The following MAF variants were observed in gnomAD, a reference collection of about 807,000 sequenced individuals.
MAF encodes the protein transcription factor Maf.
A neutral mutation model predicts 22.0 loss-of-function variants in MAF; 10 were observed. The observed-to-expected ratio is 0.45, with a 90% CI of 0.28 to 0.77. The LOEUF (loss-of-function observed/expected upper bound fraction) is 0.77. MAF is among the 30% of genes least tolerant of loss of function. MAF has a pLI of 0.12. For synonymous variants in MAF, 337 were observed against 255.8 expected (o/e 1.32, Z -3.03); for missense variants, 544 against 548.4 (o/e 0.99, Z 0.08).
At chr16:79,412,176 G>T in the MAF span, among the ~76,000 whole-genome samples, 5 of 152,188 alleles carry the variant, frequency 3.3e-5, no homozygotes, top group African/African-American at 1.2e-4. Flanking sequence ...AATAAAACAT[G>T]CAAGTACAAT....
At chr16:79,250,071 G>C in the MAF span, among the ~76,000 whole-genome samples, 5 of 152,196 alleles carry the variant, frequency 3.3e-5, no homozygotes, top group African/African-American at 1.2e-4. Context: ...AATCTGAGTT[G>C]AATTATGACT....
chr16:79,381,823 C>T, the MAF span, among the ~76,000 whole-genome samples: 294 of 152,274 alleles, frequency 1.9e-3, no homozygotes, highest in Non-Finnish European at 3.4e-3. Flanking sequence ...GCTTGTTACT[C>T]CACAGAGTGG....
chr16:79,537,320 C>A, the MAF span, among the ~76,000 whole-genome samples: 486 of 152,306 alleles, frequency 3.2e-3, 1 homozygote, highest in Non-Finnish European at 5.2e-3. Context: ...GCATCATCAT[C>A]ATTAGCCTCT....
the MAF span, among the ~76,000 whole-genome samples, chr16:79,575,108 T>A: frequency 1.3e-5 from 2 of 151,916 alleles, no homozygotes; most frequent in South Asian, 2.1e-4. Flanking sequence ...ACGGCATCAA[T>A]GTTTTTAAAG....
chr16:79,308,893 G>T, the MAF span, among the ~76,000 whole-genome samples: 5 of 152,306 alleles, frequency 3.3e-5, no homozygotes, highest in East Asian at 5.8e-4. Flanking sequence ...GGAGACGGGA[G>T]AATATAGGAC....
At chr16:79,290,390 C>G in the MAF span, among the ~76,000 whole-genome samples, 1 of 152,154 alleles carries the variant, frequency 6.6e-6, no homozygotes, top group Non-Finnish European at 1.5e-5. Context: ...GTCATCGAGT[C>G]AATGCCCAAG....
chr16:79,258,521 C>T, the MAF span, among the ~76,000 whole-genome samples: 1 of 152,206 alleles, frequency 6.6e-6, no homozygotes, highest in African/African-American at 2.4e-5. Flanking sequence ...CCTGCAGTGG[C>T]TAGGCTTCTC....
chr16:79,445,706 G>C, the MAF span, among the ~76,000 whole-genome samples: 3 of 152,276 alleles, frequency 2.0e-5, no homozygotes, highest in South Asian at 6.2e-4. Context: ...TGACAGCAAA[G>C]GACCAGTTTG....
the MAF span, among the ~76,000 whole-genome samples, chr16:79,515,766 AC>A: frequency 5.4e-4 from 82 of 152,262 alleles, no homozygotes; most frequent in East Asian, 5.0e-3. Flanking sequence ...AGTGGCAGTC[AC>A]ATAAGTTGCC....
the MAF span, among the ~76,000 whole-genome samples, chr16:79,472,624 G>C: frequency 6.6e-6 from 1 of 152,106 alleles, no homozygotes; most frequent in East Asian, 1.9e-4. Context: ...AGGCAGAGAA[G>C]AAATGGGGAG....
the MAF span, among the ~76,000 whole-genome samples, chr16:79,319,434 A>G: frequency 2.0e-5 from 3 of 152,216 alleles, no homozygotes; most frequent in Non-Finnish European, 4.4e-5. Flanking sequence ...AGGTTGATAA[A>G]CCGGATATTA....
At chr16:79,463,477 G>A in the MAF span, among the ~76,000 whole-genome samples, 1 of 152,114 alleles carries the variant, frequency 6.6e-6, no homozygotes, top group East Asian at 1.9e-4. Flanking sequence ...ATAAACTGTG[G>A]CAAACCTGTG....
the MAF span, among the ~76,000 whole-genome samples, chr16:79,388,182 G>A: frequency 1.3e-5 from 2 of 150,718 alleles, no homozygotes; most frequent in Non-Finnish European, 3.0e-5. Flanking sequence ...GCACAGTTAT[G>A]TTTATTTATA....
chr16:79,226,854 G>A, the MAF span, among the ~76,000 whole-genome samples: 2 of 152,012 alleles, frequency 1.3e-5, no homozygotes, highest in Non-Finnish European at 2.9e-5. Flanking sequence ...CTGCCTTATT[G>A]AGTATTATAG....
the MAF span, among the ~76,000 whole-genome samples, chr16:79,268,882 G>A: frequency 1.3e-5 from 2 of 152,108 alleles, no homozygotes; most frequent in Non-Finnish European, 2.9e-5. Flanking sequence ...TATAGCCCTG[G>A]GCAAGCCATT....
At chr16:79,522,916 T>C in the MAF span, among the ~76,000 whole-genome samples, 1 of 152,198 alleles carries the variant, frequency 6.6e-6, no homozygotes, top group Non-Finnish European at 1.5e-5. Flanking sequence ...GAGAACATCA[T>C]GCTTAGATTT....
chr16:79,365,293 T>A, the MAF span, among the ~76,000 whole-genome samples: 2 of 152,212 alleles, frequency 1.3e-5, no homozygotes, highest in African/African-American at 4.8e-5. Context: ...AACTATATAA[T>A]TCTCCATGTA....
At chr16:79,290,048 G>C in the MAF span, among the ~76,000 whole-genome samples, 1 of 151,878 alleles carries the variant, frequency 6.6e-6, no homozygotes, top group Admixed American at 6.6e-5. Context: ...GTAGAGACGG[G>C]GTTTCACCAT....
At chr16:79,563,850 G>C in the MAF span, among the ~76,000 whole-genome samples, 1 of 152,100 alleles carries the variant, frequency 6.6e-6, no homozygotes, top group East Asian at 1.9e-4. Context: ...TGGTTGAGAA[G>C]TAAAAAGCCT....
Sources: gnomAD v4.1 joint callset for allele counts (sites outside exome capture counted in the v4.1 genomes callset) on GRCh38, gnomAD v4.1.1 for gene constraint, MANE v1.5 for transcripts, NCBI Gene and HGNC (gene_info 2026-07-23, HGNC 2026-07-21) for gene names.